RPGRIP1L: variants seen among roughly 807,000 people sequenced by gnomAD.
RPGRIP1L encodes the protein RPGRIP1 like.
RPGRIP1L carries 131 observed loss-of-function variants against 160.4 expected under a neutral mutation model. The ratio of observed to expected loss-of-function variants is 0.82; its 90% CI spans 0.71 to 0.94. The LOEUF is 0.94. RPGRIP1L is among the 40% of genes least tolerant of loss of function. RPGRIP1L has a pLI of 0.00. For synonymous variants in RPGRIP1L, 510 were observed against 515.8 expected, an observed-to-expected ratio of 0.99 and a Z score of 0.15; for missense variants, 1,522 against 1,535.8, an observed-to-expected ratio of 0.99 and a Z score of 0.15.
chr16:53,611,583 G>A (rs928214228), intron 24 of RPGRIP1L, among the ~76,000 whole-genome samples: 7 of 152,214 alleles, frequency 4.6e-5, no homozygotes, highest in Non-Finnish European at 1.0e-4. Context: ...AACGTGCAGG[G>A]AGAGAAAGGC....
chr16:53,701,366 C>T (rs1266081940), intron 1 of RPGRIP1L, among the ~76,000 whole-genome samples: 2 of 151,666 alleles, frequency 1.3e-5, no homozygotes, highest in Non-Finnish European at 1.5e-5. Flanking sequence ...TGTGTCTTGC[C>T]TTTGTTGCCA....
intron 10 of RPGRIP1L, among the ~76,000 whole-genome samples, chr16:53,660,434 A>C: frequency 6.6e-6 from 1 of 152,196 alleles, no homozygotes; most frequent in East Asian, 1.9e-4. Flanking sequence ...GACTTTTATA[A>C]GGCATTGTGT....
chr16:53,661,471 A>G (rs1474583864), intron 10 of RPGRIP1L, among the ~76,000 whole-genome samples: 1 of 152,136 alleles, frequency 6.6e-6, no homozygotes, highest in African/African-American at 2.4e-5. Flanking sequence ...ATGTTGATTA[A>G]ATTAAAACAA....
chr16:53,657,349 C>A, intron 13 of RPGRIP1L, 104 bp downstream of exon 13: 1 of 758,014 alleles, frequency 1.3e-6, no homozygotes, highest in Non-Finnish European at 2.2e-6. Flanking sequence ...TAGTAGATTA[C>A]AATAGATGTT....
intron 25 of RPGRIP1L, among the ~76,000 whole-genome samples, chr16:53,606,394 T>A (rs1411638147): frequency 6.6e-6 from 1 of 152,204 alleles, no homozygotes; most frequent in Non-Finnish European, 1.5e-5. Flanking sequence ...TTTACCATTT[T>A]AAACTTTTCA....
intron 22 of RPGRIP1L, among the ~76,000 whole-genome samples, chr16:53,631,627 T>C (rs975184740): frequency 1.3e-5 from 2 of 152,218 alleles, no homozygotes; most frequent in African/African-American, 2.4e-5. Flanking sequence ...TTTTAATCAA[T>C]GTATTATACA....
intron 25 of RPGRIP1L, among the ~76,000 whole-genome samples, chr16:53,610,258 T>A (rs995525165): frequency 6.6e-6 from 1 of 152,096 alleles, no homozygotes; most frequent in Non-Finnish European, 1.5e-5. Flanking sequence ...ATTATATACA[T>A]GTATTTTCTC....
chr16:53,703,636 G>A (rs1971705957), intron 1 of RPGRIP1L, 167 bp downstream of exon 1: 1 of 197,158 alleles, frequency 5.1e-6, no homozygotes. Flanking sequence ...CTGAGGATGT[G>A]GAGGTGTCTT....
chr16:53,603,033 A>AC (rs1386940688), intron 26 of RPGRIP1L, among the ~76,000 whole-genome samples: 1 of 152,190 alleles, frequency 6.6e-6, no homozygotes, highest in African/African-American at 2.4e-5. Context: ...TGGAAGAGGG[A>AC]CCACTACTTT....
intron 9 of RPGRIP1L, among the ~76,000 whole-genome samples, chr16:53,669,624 T>C (rs1468783762): frequency 6.6e-6 from 1 of 152,142 alleles, no homozygotes. Flanking sequence ...AGTAAGTATG[T>C]TCAGCAAATT....
intron 25 of RPGRIP1L, among the ~76,000 whole-genome samples, chr16:53,608,878 G>C (rs1042717947): frequency 1.3e-5 from 2 of 152,220 alleles, no homozygotes; most frequent in African/African-American, 4.8e-5. Flanking sequence ...ACTGTTGAGG[G>C]AGAACAGTCA....
rs551786505 is a variant in RPGRIP1L at position 53,687,618 on chromosome 16, C to T, written c.632+245G>A. 4.6e-5 allele frequency among the ~76,000 whole-genome samples: 7 copies of T among 152,142 alleles called. No individual in the cohort carries two copies. The South Asian group carries it at 6.2e-4, about 14-fold the overall frequency. ...TAACTGACTGGACTTTATGCCATTC[C>T]TCTGAGGGTCAAATTATAATAAAGA... On this transcript the variant is annotated intron_variant, in intron 5 of 26. Transcript: ENST00000647211.
Position 53,652,762 on chromosome 16 carries a change from A to G in RPGRIP1L, c.1925T>C (p.Leu642Pro), listed in dbSNP as rs1396819326. 6.2e-7 allele frequency: 1 copy of G among 1,614,156 alleles called. No homozygotes were observed. The highest frequency in any genetic ancestry group is 2.2e-5 in the East Asian group (1 of 44,874). Residue 642 changes from leucine to proline, a missense_variant, in exon 15 of 27, where the codon CTA becomes CCA. By Grantham distance (98) the Leu-to-Pro change is moderately conservative. Transcript: ENST00000647211. ...FCTYAFYDFE[L>P]QTTPVVRGLH... ...GCCTCGCACTACGGGAGTTGTCTGTAGTTCAAAATCATAGAAAGCATAGGT... is the reference window on the plus strand; with the variant it reads ...GCCTCGCACTACGGGAGTTGTCTGTGGTTCAAAATCATAGAAAGCATAGGT...
chr16:53,664,746 T>A, intron 10 of RPGRIP1L, 124 bp downstream of exon 10: 1 of 1,073,688 alleles, frequency 9.3e-7, no homozygotes, highest in Non-Finnish European at 1.4e-6. Context: ...TGGATGACTG[T>A]GTCTGTCCCT....
chr16:53,683,933 T>C (rs992950712), intron 6 of RPGRIP1L, among the ~76,000 whole-genome samples: 16 of 152,160 alleles, frequency 1.1e-4, no homozygotes, highest in Non-Finnish European at 2.1e-4. Flanking sequence ...GCTAGCCATA[T>C]GCAGAAAATT....
intron 2 of RPGRIP1L, 106 bp downstream of exon 2, chr16:53,700,533 T>C: frequency 3.5e-6 from 3 of 862,338 alleles, no homozygotes; most frequent in Middle Eastern, 2.2e-4. Flanking sequence ...TCAAGGACTA[T>C]ATAGTTACTT....
intron 14 of RPGRIP1L, among the ~76,000 whole-genome samples, chr16:53,653,746 G>GT (rs1967003108): frequency 6.6e-6 from 1 of 152,020 alleles, no homozygotes; most frequent in Non-Finnish European, 1.5e-5. Context: ...CTGGGCTTCT[G>GT]TTTTTAATTA....
intron 25 of RPGRIP1L, among the ~76,000 whole-genome samples, chr16:53,610,370 C>T (rs369531515): frequency 5.9e-5 from 9 of 152,164 alleles, no homozygotes; most frequent in African/African-American, 1.7e-4. Flanking sequence ...TAGTAAGATA[C>T]AAATTAGTCT....
At chr16:53,648,788 G>A (rs1237111179) in intron 16 of RPGRIP1L, among the ~76,000 whole-genome samples, 176 bp downstream of exon 16, 1 of 151,316 alleles carries the variant, frequency 6.6e-6, no homozygotes, top group Non-Finnish European at 1.5e-5. Context: ...TAAGGTTACA[G>A]GGGATCTCTT....
Sources: allele counts gnomAD v4.1 joint callset (sites outside exome capture counted in the v4.1 genomes callset), GRCh38; gene constraint gnomAD v4.1.1; transcripts MANE v1.5; gene names NCBI Gene and HGNC (gene_info 2026-07-23, HGNC 2026-07-21).